The following CABS1 variants were observed in gnomAD, a reference collection of about 807,000 sequenced individuals.
CABS1 encodes the protein calcium binding protein, spermatid associated 1, also known as calcium-binding and spermatid-specific protein 1.
For synonymous variants in CABS1, 195 were observed against 169.0 expected, an observed-to-expected ratio of 1.15 and a Z score of -1.19; for missense variants, 500 against 464.3, an observed-to-expected ratio of 1.08 and a Z score of -0.71.
rs1458661803 is a variant in CABS1 at position 70,335,053 on chromosome 4, G to T, written c.14G>T (p.Gly5Val). ...CCACTTCGCCCCATGGCTGAAGATG[G>T]TTTGCCCAAAATTTATTCTCATCCT... MAEDGLPKIYSHPPT... is the reference protein window; with the variant it reads MAEDVLPKIYSHPPT... Residue 5 changes from glycine to valine, a missense_variant, in exon 1 of 2, where the codon GGT (glycine) becomes GTT (valine). Physicochemically the swap from Gly to Val is moderately radical, Grantham distance 109 (BLOSUM62 -3). Coordinates refer to ENST00000273936, the MANE Select transcript of CABS1 (RefSeq NM_033122.4). The T allele has an allele frequency of 6.2e-7, 1 of 1,612,584 alleles. No individual in the cohort carries two copies.
Position 70,335,960 on chromosome 4 carries a change from A to G in CABS1, c.921A>G (p.Ala307=), listed in dbSNP as rs1731718415. The G allele has an allele frequency of 6.2e-6, 10 of 1,613,634 alleles. No individual in the cohort carries two copies. The highest frequency in any genetic ancestry group is 8.5e-6 in the Non-Finnish European group (10 of 1,179,716). The part of the protein sequence containing the change: ...IWMERDTANE[A]ETHSVLLTAV... ...TGGAGAGAGATACTGCAAATGAAGCAGAGACCCATTCTGTTTTGCTTACTG... is the reference window on the plus strand; with the variant it reads ...TGGAGAGAGATACTGCAAATGAAGCGGAGACCCATTCTGTTTTGCTTACTG... The change falls in exon 1 of 2, where the codon GCA becomes GCG. Residue 307 remains alanine, a synonymous_variant. Transcript: ENST00000273936.
At chr4:70,336,768 C>T (rs965465711) in intron 1 of CABS1, among the ~76,000 whole-genome samples, 198 bp from the exon 2 acceptor site, 2 of 151,802 alleles carry the variant, frequency 1.3e-5, no homozygotes, top group Non-Finnish European at 2.9e-5. Context: ...TAAGACAATT[C>T]AGTAATTGTT....
chr4:70,335,066 T>G lies in CABS1; in HGVS notation c.27T>G (p.Ile9Met). Residue 9 changes from isoleucine to methionine, a missense_variant, in exon 1 of 2, where the codon ATT becomes ATG. Transcript: ENST00000273936. MAEDGLPK[I>M]YSHPPTESSK... ...TGGCTGAAGATGGTTTGCCCAAAAT[T>G]TATTCTCATCCTCCAACAGAAAGCA... The G allele has an allele frequency of 1.9e-6, 3 of 1,613,096 alleles. No individual in the cohort carries two copies. The highest frequency in any genetic ancestry group is 1.7e-4 in the Middle Eastern group (1 of 6,050).
At chr4:70,336,893 T>C (rs1731740228) in intron 1 of CABS1, 73 bp from the exon 2 acceptor site, 2 of 152,420 alleles carry the variant, frequency 1.3e-5, no homozygotes, top group African/African-American at 4.8e-5. Flanking sequence ...AAAAATGTTC[T>C]GTAAACATAT....
Position 70,335,902 on chromosome 4 carries a change from A to T in CABS1, c.863A>T (p.Asp288Val). 9 of 1,613,644 alleles carry T rather than the reference A, an allele frequency of 5.6e-6. No individual in the cohort carries two copies. The highest frequency in any genetic ancestry group is 7.6e-6 in the Non-Finnish European group (9 of 1,179,732). Reference protein sequence around the residue: ...KDKREDTLLTDEETTEGASIW... With the variant: ...KDKREDTLLTVEETTEGASIW... ...AAACGGGAAGATACTCTGCTAACTG[A>T]TGAAGAAACTACCGAGGGAGCCAGT... The change falls in exon 1 of 2, where the codon GAT becomes GTT. Residue 288 changes from aspartate to valine, a missense_variant. By Grantham distance (152) the Asp-to-Val change is radical (BLOSUM62 -3). Coordinates refer to ENST00000273936, the MANE Select transcript of CABS1 (RefSeq NM_033122.4).
chr4:70,335,859 G>A lies in CABS1; in HGVS notation c.820G>A (p.Ala274Thr). Residue 274 changes from alanine to threonine, a missense_variant, in exon 1 of 2, where the codon GCT becomes ACT. Ala to Thr is a moderately conservative substitution (Grantham distance 58, BLOSUM62 0). Coordinates refer to ENST00000273936, the MANE Select transcript of CABS1 (RefSeq NM_033122.4). The stretch of plus-strand genomic sequence containing the variant: ...CACTGTGTTTGAACTCACTACCTCT[G>A]CTGAAAAAGACAAAGATAAACGGGA... ...FITVFELTTS[A>T]EKDKDKREDT... The A allele has an allele frequency of 6.2e-7, 1 of 1,613,522 alleles. No homozygotes were observed. The highest frequency in any genetic ancestry group is 8.5e-7 in the Non-Finnish European group (1 of 1,179,718).
chr4:70,335,756 A>T lies in CABS1; in HGVS notation c.717A>T (p.Ile239=). 1 of 1,613,632 alleles carries T rather than the reference A, an allele frequency of 6.2e-7. No homozygotes were observed. Among genetic ancestry groups the T allele is most frequent in the Non-Finnish European group, 8.5e-7 (1 of 1,179,756 alleles). The change falls in exon 1 of 2, where the codon ATA becomes ATT. Residue 239 remains isoleucine, a synonymous_variant. Transcript: ENST00000273936. ...PDITALEEEK[I]TEIDLSVLED... is the part of the protein sequence containing the mutation. The stretch of plus-strand genomic sequence containing the variant: ...TAACTGCCCTTGAAGAAGAGAAAAT[A>T]ACCGAAATTGACCTAAGTGTTTTAG...
In CABS1 at chr4:70,335,181, G is replaced by A. The variant is rs762044516; in HGVS notation, c.142G>A (p.Val48Ile). Residue 48 changes from valine (V) to isoleucine (I), a missense_variant, in exon 1 of 2, where the codon GTC (valine) becomes ATC (isoleucine). By Grantham distance (29) the Val-to-Ile change is conservative (BLOSUM62 3). Coordinates refer to ENST00000273936, the MANE Select transcript of CABS1 (RefSeq NM_033122.4). ...AACTATTACTTCAGAAGGAGACCAC[G>A]TCACTTCAGTAAATGAATATATGCT... ...ETTITSEGDH[V>I]TSVNEYMLES... 3.1e-6 allele frequency: 5 copies of A among 1,613,734 alleles called. No homozygotes were observed. Among genetic ancestry groups the A allele is most frequent in the Non-Finnish European group, 4.2e-6 (5 of 1,179,806 alleles).
rs773936121 is a variant in CABS1 at position 70,336,144 on chromosome 4, CCA to C, written c.1106_1107del (p.Pro369ArgfsTer3). ...FSGTTSVLDT[P>X]DYKEDTSTTE... Reference sequence around the variant, plus strand: ...TGGAACTACCTCTGTATTAGATACCCCAGACTATAAGGAAGACACCTCCACAA... The same window carrying C: ...TGGAACTACCTCTGTATTAGATACCCGACTATAAGGAAGACACCTCCACAA... On this transcript the variant is annotated frameshift_variant, in exon 1 of 2. Transcript: ENST00000273936. LOFTEE classifies it low-confidence loss of function (END_TRUNC). 1 of 1,613,172 alleles carries C rather than the reference CCA, an allele frequency of 6.2e-7. No individual in the cohort carries two copies. The highest frequency in any genetic ancestry group is 1.1e-5 in the South Asian group (1 of 91,070).
In CABS1 at chr4:70,335,439, G is replaced by A; in HGVS notation, c.400G>A (p.Asp134Asn). The change falls in exon 1 of 2, where the codon GAT (aspartate) becomes AAT (asparagine). Residue 134 changes from aspartate (D) to asparagine (N), a missense_variant. Physicochemically the swap from Asp to Asn is conservative, Grantham distance 23 (BLOSUM62 1). Coordinates refer to ENST00000273936, the MANE Select transcript of CABS1 (RefSeq NM_033122.4). ...ACCAGTTACTACTGTTTCTTTAATA[G>A]ATTTTTCCACTGACATAGCAAAAGA... ...SSPVTTVSLI[D>N]FSTDIAKEDI... The A allele has an allele frequency of 6.2e-7, 1 of 1,613,664 alleles. No homozygotes were observed. Among genetic ancestry groups the A allele is most frequent in the East Asian group, 2.2e-5 (1 of 44,840 alleles).
chr4:70,336,097 C>A lies in CABS1; in HGVS notation c.1058C>A (p.Pro353His), dbSNP rs770962721. 5.6e-6 allele frequency: 9 copies of A among 1,613,170 alleles called. No homozygotes were observed. Among genetic ancestry groups the A allele is most frequent in the Non-Finnish European group, 6.8e-6 (8 of 1,179,536 alleles). The change falls in exon 1 of 2, where the codon CCT (proline) becomes CAT (histidine). Residue 353 changes from proline to histidine, a missense_variant. Transcript: ENST00000273936. ...GAAACTGATAATACAGAGACTGTAC[C>A]TAAGATCACTGAGCCATTTTCTGGA... Reference protein sequence around the residue: ...LSETDNTETVPKITEPFSGTT... With the variant: ...LSETDNTETVHKITEPFSGTT...
In CABS1 at chr4:70,335,295, A is replaced by T. The variant is rs762804511; in HGVS notation, c.256A>T (p.Ile86Phe). The stretch of plus-strand genomic sequence containing the variant: ...AGAAGATGATATGGGGACCGACTTT[A>T]TTAAGTCAACAACTCACCTACAGAA... ...KSEDDMGTDF[I>F]KSTTHLQKEI... The change falls in exon 1 of 2, where the codon ATT (isoleucine) becomes TTT (phenylalanine). Residue 86 changes from isoleucine (I) to phenylalanine (F), a missense_variant. Coordinates refer to ENST00000273936, the MANE Select transcript of CABS1 (RefSeq NM_033122.4). 1.2e-6 allele frequency: 2 copies of T among 1,613,816 alleles called. No homozygotes were observed. Among genetic ancestry groups the T allele is most frequent in the South Asian group, 2.2e-5 (2 of 91,084 alleles).
rs1560516054 is a variant in CABS1, at chr4:70,336,172, C to G, written c.1133C>G (p.Thr378Ser). 1.2e-6 allele frequency: 2 copies of G among 1,612,880 alleles called. No individual in the cohort carries two copies. The highest frequency in any genetic ancestry group is 1.7e-6 in the Non-Finnish European group (2 of 1,179,328). ...TPDYKEDTSTTETDIFELLKE... is the reference protein window; with the variant it reads ...TPDYKEDTSTSETDIFELLKE... ...GACTATAAGGAAGACACCTCCACAA[C>G]TGAAACGGATATCTTTGAACTACTG... is the stretch of plus-strand genomic sequence containing the variant. Residue 378 changes from threonine to serine, a missense_variant, in exon 1 of 2, where the codon ACT becomes AGT. By Grantham distance (58) the Thr-to-Ser change is moderately conservative. Transcript: ENST00000273936.
Position 70,335,872 on chromosome 4 carries a change from A to G in CABS1, c.833A>G (p.Lys278Arg). ...CTCACTACCTCTGCTGAAAAAGACAAAGATAAACGGGAAGATACTCTGCTA... is the reference window on the plus strand; with the variant it reads ...CTCACTACCTCTGCTGAAAAAGACAGAGATAAACGGGAAGATACTCTGCTA... ...FELTTSAEKD[K>R]DKREDTLLTD... The change falls in exon 1 of 2, where the codon AAA (lysine) becomes AGA (arginine). Residue 278 changes from lysine (K) to arginine (R), a missense_variant. Transcript: ENST00000273936. 6.2e-7 allele frequency: 1 copy of G among 1,613,628 alleles called. No individual in the cohort carries two copies. The highest frequency in any genetic ancestry group is 8.5e-7 in the Non-Finnish European group (1 of 1,179,736).
chr4:70,336,414 T>A, intron 1 of CABS1, 68 bp downstream of exon 1: 2 of 780,384 alleles, frequency 2.6e-6, no homozygotes, highest in African/African-American at 1.8e-5. Flanking sequence ...TACGGAAACT[T>A]AGAAAAAAAA....
At chr4:70,336,663 G>T (rs1731735795) in intron 1 of CABS1, among the ~76,000 whole-genome samples, 1 of 142,894 alleles carries the variant, frequency 7.0e-6, no homozygotes, top group Non-Finnish European at 1.6e-5. Context: ...AGCCTAAAAA[G>T]TTCTCCCAAA....
chr4:70,335,390 A>G lies in CABS1; in HGVS notation c.351A>G (p.Pro117=). 1 of 1,613,752 alleles carries G rather than the reference A, an allele frequency of 6.2e-7. No individual in the cohort carries two copies. ...TRDSITEHFM[P]VKIGNISSPV... ...ACTCTATTACCGAACATTTCATGCC[A>G]GTGAAAATTGGGAATATTTCATCAC... Residue 117 remains proline (P), a synonymous_variant, in exon 1 of 2, where the codon CCA becomes CCG. Transcript: ENST00000273936.
rs773344110 is a variant in CABS1 at position 70,335,995 on chromosome 4, C to T, written c.956C>T (p.Ser319Phe). 3 of 1,613,474 alleles carry T rather than the reference C, an allele frequency of 1.9e-6. No individual in the cohort carries two copies. Among genetic ancestry groups the T allele is most frequent in the Non-Finnish European group, 2.5e-6 (3 of 1,179,666 alleles). Residue 319 changes from serine to phenylalanine, a missense_variant, in exon 1 of 2, where the codon TCC becomes TTC. Transcript: ENST00000273936. ...TCTGTTTTGCTTACTGCTGTTGAAT[C>T]CAGATATGACTTCGTTGTCCCTGCA... The part of the protein sequence containing the change: ...THSVLLTAVE[S>F]RYDFVVPASI...
At position 70,335,035 on chromosome 4, in the gene CABS1, G is replaced by C. The variant is rs775671883; in HGVS notation, c.-5G>C. ...CTGTGAGAGTGCACAGTGCCACTTC[G>C]CCCCATGGCTGAAGATGGTTTGCCC... On this transcript the variant is annotated 5_prime_UTR_variant, in exon 1 of 2. Transcript: ENST00000273936. 1 of 1,609,164 alleles carries C rather than the reference G, an allele frequency of 6.2e-7. No individual in the cohort carries two copies. Among genetic ancestry groups the C allele is most frequent in the Non-Finnish European group, 8.5e-7 (1 of 1,177,462 alleles).
Sources: allele counts gnomAD v4.1 joint callset (sites outside exome capture counted in the v4.1 genomes callset), GRCh38; gene constraint gnomAD v4.1.1; transcripts MANE v1.5; gene names NCBI Gene and HGNC (gene_info 2026-07-23, HGNC 2026-07-21).